STXBP5: variants seen among roughly 807,000 people sequenced by gnomAD.
STXBP5 encodes syntaxin binding protein 5, also known as syntaxin-binding protein 5.
Under a neutral mutation model 152.4 loss-of-function variants are expected in STXBP5, and 50 were observed. The observed-to-expected ratio is 0.33, with a 90% CI of 0.26 to 0.42. The LOEUF is 0.42. STXBP5 is among the 10% of genes least tolerant of loss of function. The pLI is 1.00. For synonymous variants in STXBP5, 492 were observed against 494.7 expected, an observed-to-expected ratio of 0.99 and a Z score of 0.07; for missense variants, 1,167 against 1,388.6, an observed-to-expected ratio of 0.84 and a Z score of 2.54.
At chr6:147,366,086 A>G (rs1785275992) in intron 25 of STXBP5, among the ~76,000 whole-genome samples, 1 of 152,212 alleles carries the variant, frequency 6.6e-6, no homozygotes, top group Non-Finnish European at 1.5e-5. Context: ...ACTAAGTTAA[A>G]GCCTGGCAGA....
rs73588338 is a variant in STXBP5, at chr6:147,371,782, A to G, written c.3082-1949A>G. Among the ~76,000 whole-genome samples the G allele has an allele frequency of 3.7e-3, 561 of 152,296 alleles. 4 individuals carry two copies. Among genetic ancestry groups the G allele is most frequent in the African/African-American group, 0.013 (537 of 41,586 alleles). ...ATAAGAAATGCAAACTGTAATTCTA[A>G]AAATGAGGTAAAATTTTTTAAAAAG... On this transcript the variant is annotated intron_variant, in intron 25 of 27. Coordinates refer to ENST00000321680, the MANE Select transcript of STXBP5 (RefSeq NM_001127715.4).
chr6:147,205,870 A>G (rs892175667), intron 1 of STXBP5, 101 bp from the exon 2 acceptor site: 4 of 796,596 alleles, frequency 5.0e-6, no homozygotes, highest in Non-Finnish European at 8.6e-6. Flanking sequence ...TGTGTTTTGC[A>G]TCAGTGGTAG....
In STXBP5 at chr6:147,385,232, CTT is replaced by C. The variant is rs1452281638; in HGVS notation, c.*478_*479del. The C allele has an allele frequency of 6.5e-6, 1 of 154,084 alleles. No homozygotes were observed. The highest frequency in any genetic ancestry group is 2.4e-5 in the African/African-American group (1 of 41,456). The allele number at this position is 154,084 out of a possible 1,614,324, so 9.5% of individuals were successfully genotyped here. A position where few individuals can be genotyped will look rare whatever the true frequency, so the allele number is the denominator to read the frequency against. On this transcript the variant is annotated 3_prime_UTR_variant, in exon 28 of 28. Coordinates refer to ENST00000321680, the MANE Select transcript of STXBP5 (RefSeq NM_001127715.4). The stretch of plus-strand genomic sequence containing the variant: ...AACAGCTGTCTTGGACTTTCCCTCT[CTT>C]AACACTGACTGGTCATCAGTATCAT...
chr6:147,256,223 C>A (rs1779355824), intron 4 of STXBP5, among the ~76,000 whole-genome samples: 1 of 152,228 alleles, frequency 6.6e-6, no homozygotes, highest in African/African-American at 2.4e-5. Context: ...TAAGTGTCTT[C>A]TACTGTTCAG....
chr6:147,253,077 C>T (rs1779179617), intron 4 of STXBP5, among the ~76,000 whole-genome samples: 1 of 152,224 alleles, frequency 6.6e-6, no homozygotes, highest in South Asian at 2.1e-4. Context: ...TACTGGCAAA[C>T]CGAATCCAGC....
intron 4 of STXBP5, among the ~76,000 whole-genome samples, chr6:147,251,210 G>A (rs539517020): frequency 2.3e-4 from 35 of 152,206 alleles, no homozygotes; most frequent in African/African-American, 7.0e-4. Context: ...CCCTAGCCAC[G>A]GGAAGCCATG....
chr6:147,346,419 G>A lies in STXBP5; in HGVS notation c.2255-6904G>A, dbSNP rs78742228. 4.3e-3 allele frequency among the ~76,000 whole-genome samples: 657 copies of A among 152,238 alleles called. 14 individuals are homozygous for A. The highest frequency in any genetic ancestry group is 0.034 in the Admixed American group (518 of 15,280). Reference sequence around the variant, plus strand: ...GGTTGGCTAAACAGACCTGAAGCGAGTATATTCCCCAGAAGTCATAAAAAT... The same window carrying A: ...GGTTGGCTAAACAGACCTGAAGCGAATATATTCCCCAGAAGTCATAAAAAT... On this transcript the variant is annotated intron_variant, in intron 21 of 27. Coordinates refer to ENST00000321680, the MANE Select transcript of STXBP5 (RefSeq NM_001127715.4).
Position 147,206,046 on chromosome 6 carries a change from A to G in STXBP5, c.226A>G (p.Thr76Ala), listed in dbSNP as rs913406077. The change falls in exon 2 of 28, where the codon ACT becomes GCT. Residue 76 changes from threonine to alanine, a missense_variant. Thr to Ala is a moderately conservative substitution (Grantham distance 58, BLOSUM62 0). This residue lies in a region of STXBP5 where 310 missense variants were observed against 346.1 expected (regional missense o/e 0.90). Transcript: ENST00000321680. Reference protein sequence around the residue: ...DPVQKILAVGTQTGALRLFGR... With the variant: ...DPVQKILAVGAQTGALRLFGR... ...TGTACAGAAGATCCTGGCAGTGGGA[A>G]CTCAGACTGGTGCTTTAAGGCTGTA... 7 of 1,613,904 alleles carry G rather than the reference A, an allele frequency of 4.3e-6. No individual in the cohort carries two copies. The highest frequency in any genetic ancestry group is 1.3e-5 in the African/African-American group (1 of 74,932).
chr6:147,223,241 A>G (rs1009013922), intron 2 of STXBP5, among the ~76,000 whole-genome samples: 1 of 152,208 alleles, frequency 6.6e-6, no homozygotes, highest in African/African-American at 2.4e-5. Context: ...CAACTATGGA[A>G]TGGGGTACTC....
chr6:147,350,161 T>C (rs1184721586), intron 21 of STXBP5, among the ~76,000 whole-genome samples: 1 of 152,198 alleles, frequency 6.6e-6, no homozygotes, highest in African/African-American at 2.4e-5. Flanking sequence ...ATGTTGAAAC[T>C]AGACTAACTG....
chr6:147,360,209 C>G (rs533027001), intron 23 of STXBP5, among the ~76,000 whole-genome samples: 29 of 152,194 alleles, frequency 1.9e-4, no homozygotes, highest in Middle Eastern at 3.4e-3. Context: ...GGACTGTAAA[C>G]TAGTTCAACC....
At chr6:147,315,493 A>C (rs748960259) in intron 14 of STXBP5, 22 bp from the exon 15 acceptor site, 8 of 1,473,918 alleles carry the variant, frequency 5.4e-6, no homozygotes, top group Non-Finnish European at 7.5e-6. Flanking sequence ...AAAGTATCTG[A>C]CATATATTAT....
chr6:147,213,477 T>TGTGTGTGTGTGTGTGTGTGCGCGCGCGC, intron 2 of STXBP5, among the ~76,000 whole-genome samples: 1 of 131,278 alleles, frequency 7.6e-6, no homozygotes, highest in Non-Finnish European at 1.6e-5. Flanking sequence ...TGTGTGTGTG[T>TGTGTGTGTGTGTGTGTGTGCGCGCGCGC]GCGCGCGCAT....
chr6:147,334,109 A>G (rs1783713205), intron 18 of STXBP5, 48 bp from the exon 19 acceptor site: 6 of 1,572,000 alleles, frequency 3.8e-6, no homozygotes, highest in Non-Finnish European at 5.2e-6. Flanking sequence ...ACAAAACTGC[A>G]CTTACATAAA....
intron 19 of STXBP5, among the ~76,000 whole-genome samples, chr6:147,336,269 T>A (rs1783821867): frequency 6.6e-6 from 1 of 152,178 alleles, no homozygotes; most frequent in Admixed American, 6.5e-5. Context: ...ACTATTTTAA[T>A]ATAAATAATT....
intron 6 of STXBP5, among the ~76,000 whole-genome samples, chr6:147,265,827 C>G (rs972721461): frequency 2.0e-5 from 3 of 151,984 alleles, no homozygotes; most frequent in African/African-American, 7.2e-5. Context: ...CTAATCCTTG[C>G]CCCGATATCC....
intron 2 of STXBP5, among the ~76,000 whole-genome samples, chr6:147,226,762 T>C (rs1301354784): frequency 1.3e-5 from 2 of 152,220 alleles, no homozygotes; most frequent in South Asian, 2.1e-4. Context: ...TATATTGCTT[T>C]TATAATTCTG....
In STXBP5 at chr6:147,239,250, G is replaced by C. The variant is rs747586705; in HGVS notation, c.411G>C (p.Ser137=). The C allele has an allele frequency of 8.1e-6, 13 of 1,613,364 alleles. No homozygotes were observed. The African/African-American group carries it at 1.3e-4, about 17-fold the overall frequency. Residue 137 remains serine (S), a synonymous_variant, in exon 4 of 28, where the codon TCG becomes TCC. Coordinates refer to ENST00000321680, the MANE Select transcript of STXBP5 (RefSeq NM_001127715.4). ...AGAAGAGGCCTGCCATACTACATTC[G>C]CTTAAATTTTGCAGAGAAAGGTAAG... ...LRQKRPAILH[S]LKFCRERVTF...
At chr6:147,304,384 T>G (rs2128364815) in intron 9 of STXBP5, among the ~76,000 whole-genome samples, 1 of 152,212 alleles carries the variant, frequency 6.6e-6, no homozygotes, top group Middle Eastern at 3.4e-3. Context: ...AGAATTGAGG[T>G]TTGGGAACCT....
Sources: allele counts gnomAD v4.1 joint callset (sites outside exome capture counted in the v4.1 genomes callset), GRCh38; gene constraint gnomAD v4.1.1; regional missense constraint gnomAD v4.1.1; transcripts MANE v1.5; gene names NCBI Gene and HGNC (gene_info 2026-07-23, HGNC 2026-07-21).